CSMD1: variants seen among roughly 807,000 people sequenced by gnomAD.
CSMD1 encodes CUB and Sushi multiple domains 1.
Under a neutral mutation model 417.5 loss-of-function variants are expected in CSMD1, and 213 were observed. The observed-to-expected ratio is 0.51, with a 90% CI of 0.46 to 0.57. The LOEUF is 0.57. CSMD1 is among the 20% of genes least tolerant of loss of function. The pLI is 0.00. For missense variants in CSMD1, 6,923 were observed against 4,529.7 expected, an observed-to-expected ratio of 1.53 and a Z score of -15.17; for synonymous variants, 2,862 against 1,736.8, an observed-to-expected ratio of 1.65 and a Z score of -16.11.
At chr8:4,428,351 G>T (rs1185124434) in intron 2 of CSMD1, among the ~76,000 whole-genome samples, 1 of 152,090 alleles carries the variant, frequency 6.6e-6, no homozygotes, top group African/African-American at 2.4e-5. Context: ...GTACCTACTA[G>T]GGATTAAAAG....
chr8:4,053,516 A>G (rs1467305677), intron 3 of CSMD1, among the ~76,000 whole-genome samples: 1 of 152,114 alleles, frequency 6.6e-6, no homozygotes, highest in Non-Finnish European at 1.5e-5. Context: ...CAATCAAAAT[A>G]TGAAACACTT....
chr8:4,633,197 G>A (rs534904691), intron 2 of CSMD1, among the ~76,000 whole-genome samples: 365 of 74,184 alleles, frequency 4.9e-3, no homozygotes, highest in Admixed American at 8.0e-3. Context: ...TTACTATTAG[G>A]ATCAAAAACA....
At chr8:4,214,976 G>C (rs553612764) in intron 3 of CSMD1, among the ~76,000 whole-genome samples, 2 of 152,134 alleles carry the variant, frequency 1.3e-5, no homozygotes, top group Non-Finnish European at 2.9e-5. Flanking sequence ...TACAGGCACA[G>C]CTTACTCTGT....
intron 5 of CSMD1, among the ~76,000 whole-genome samples, chr8:3,974,650 C>A (rs1031363384): frequency 6.7e-6 from 1 of 150,086 alleles, no homozygotes; most frequent in African/African-American, 2.5e-5. Context: ...ACTGTTTAAA[C>A]TGCTTTAAAA....
At chr8:3,476,997 G>A (rs1471427231) in intron 11 of CSMD1, among the ~76,000 whole-genome samples, 5 of 151,796 alleles carry the variant, frequency 3.3e-5, no homozygotes, top group African/African-American at 1.2e-4. Flanking sequence ...GGATACTACA[G>A]TATTTTGAAG....
At position 4,812,356 on chromosome 8, in the gene CSMD1, A is replaced by G. The variant is rs533454338; in HGVS notation, c.86-174798T>C. On this transcript the variant is annotated intron_variant, in intron 1 of 69. Transcript: ENST00000635120. ...CAGATGCTTCCAGTCTTTTTGGTAC[A>G]AACATTCAGTTAGATAGAAGGTATA... 2.1e-4 allele frequency among the ~76,000 whole-genome samples: 32 copies of G among 152,344 alleles called. No homozygotes were observed. In the South Asian group the frequency reaches 6.6e-3, roughly 32 times the overall value.
At chr8:4,965,662 G>A (rs1270759030) in intron 1 of CSMD1, among the ~76,000 whole-genome samples, 2 of 152,144 alleles carry the variant, frequency 1.3e-5, no homozygotes, top group Non-Finnish European at 2.9e-5. Context: ...GAAAGTACAT[G>A]CTCTTAGTCT....
intron 38 of CSMD1, among the ~76,000 whole-genome samples, chr8:3,161,891 G>A (rs145121694): frequency 2.0e-5 from 3 of 152,152 alleles, no homozygotes; most frequent in Non-Finnish European, 4.4e-5. Flanking sequence ...CCCCTAGAAT[G>A]CTCTGTGCAT....
chr8:4,867,558 C>T (rs1802489381), intron 1 of CSMD1, among the ~76,000 whole-genome samples: 1 of 152,002 alleles, frequency 6.6e-6, no homozygotes, highest in South Asian at 2.1e-4. Context: ...AAGGGATAGT[C>T]CCAGAGCAGC....
intron 3 of CSMD1, among the ~76,000 whole-genome samples, chr8:4,117,645 C>T (rs10097778): frequency 0.99 from 150,703 of 152,340 alleles, 74,567 homozygotes; most frequent in East Asian, 1. Context: ...GCTGAAGCGC[C>T]CGCACTTCTG....
At position 4,254,229 on chromosome 8, in the gene CSMD1, T is replaced by C. The variant is rs567697607; in HGVS notation, c.415+165724A>G. 4.9e-4 allele frequency among the ~76,000 whole-genome samples: 75 copies of C among 152,234 alleles called. 1 individual carries two copies. Among genetic ancestry groups the C allele is most frequent in the Admixed American group, 2.5e-3 (38 of 15,282 alleles). On this transcript the variant is annotated intron_variant, in intron 3 of 69. Transcript: ENST00000635120. ...ACCACGCCAAGCCTTTCCTTTTATCTTTAGCTTTCCCTCTCTTCACCAAAT... is the reference window on the plus strand; with the variant it reads ...ACCACGCCAAGCCTTTCCTTTTATCCTTAGCTTTCCCTCTCTTCACCAAAT...
intron 4 of CSMD1, among the ~76,000 whole-genome samples, chr8:4,004,996 A>G (rs1047341228): frequency 1.3e-5 from 2 of 152,120 alleles, no homozygotes; most frequent in Non-Finnish European, 2.9e-5. Context: ...TGCCAGCCTC[A>G]GCCTCCCTAG....
intron 5 of CSMD1, among the ~76,000 whole-genome samples, chr8:3,756,752 C>A (rs1797682529): frequency 6.6e-6 from 1 of 152,088 alleles, no homozygotes; most frequent in Non-Finnish European, 1.5e-5. Context: ...TATATTTTCT[C>A]ACTCGCATTA....
chr8:4,440,862 G>A (rs1255675874), intron 2 of CSMD1, among the ~76,000 whole-genome samples: 1 of 151,504 alleles, frequency 6.6e-6, no homozygotes, highest in African/African-American at 2.4e-5. Flanking sequence ...CTGGGAGTGG[G>A]GGTGAATGCC....
chr8:4,549,323 G>T (rs574057707), intron 2 of CSMD1, among the ~76,000 whole-genome samples: 26 of 152,264 alleles, frequency 1.7e-4, no homozygotes, highest in African/African-American at 5.1e-4. Flanking sequence ...AAGGGTAAAA[G>T]AAATTATTCC....
At chr8:3,807,985 G>A (rs1342552951) in intron 5 of CSMD1, among the ~76,000 whole-genome samples, 3 of 152,144 alleles carry the variant, frequency 2.0e-5, no homozygotes, top group Non-Finnish European at 4.4e-5. Flanking sequence ...CCCTATTCCT[G>A]TGTCATTTAA....
At chr8:4,985,567 G>C (rs1380323806) in intron 1 of CSMD1, among the ~76,000 whole-genome samples, 1 of 152,100 alleles carries the variant, frequency 6.6e-6, no homozygotes, top group African/African-American at 2.4e-5. Flanking sequence ...GATCATATCA[G>C]ACTAAAAATG....
At chr8:4,839,402 C>G (rs1279666964) in intron 1 of CSMD1, among the ~76,000 whole-genome samples, 1 of 152,116 alleles carries the variant, frequency 6.6e-6, no homozygotes, top group East Asian at 1.9e-4. Flanking sequence ...GTTAGCTCAA[C>G]ACTTTACACA....
intron 2 of CSMD1, among the ~76,000 whole-genome samples, chr8:4,484,929 T>C (rs1186337748): frequency 3.9e-5 from 5 of 128,360 alleles, no homozygotes; most frequent in South Asian, 2.5e-4. Flanking sequence ...GCCGAGATCG[T>C]GCCACTGCAC....
Sources: gnomAD v4.1 joint callset for allele counts (sites outside exome capture counted in the v4.1 genomes callset) on GRCh38, gnomAD v4.1.1 for gene constraint, MANE v1.5 for transcripts, NCBI Gene and HGNC (gene_info 2026-07-23, HGNC 2026-07-21) for gene names.